Variants in ATRNL1 observed in about 807,000 individuals in gnomAD.
The protein encoded by ATRNL1 is attractin like 1.
Under a neutral mutation model 182.7 loss-of-function variants are expected in ATRNL1, and 95 were observed. The observed-to-expected ratio is 0.52, with a 90% CI of 0.44 to 0.62. ATRNL1 has a LOEUF of 0.62. ATRNL1 is among the 20% of genes least tolerant of loss of function. The probability of loss-of-function intolerance (pLI) is 0.00; values close to 1 mark genes in which losing one functional copy is unlikely to be tolerated. For synonymous variants in ATRNL1, 576 were observed against 568.3 expected, an observed-to-expected ratio of 1.01 and a Z score of -0.19; for missense variants, 1,471 against 1,679.5, an observed-to-expected ratio of 0.88 and a Z score of 2.17.
In ATRNL1 at chr10:115,311,189, A is replaced by ATTTTTT. The variant is rs58808060; in HGVS notation, c.2819-4316_2819-4311dup. ...TGAGAAGATACTTGATATGATTTAG[A>ATTTTTT]TTTTTTTTTTTTTTTTTTGAGACAG... On this transcript the variant is annotated intron_variant, in intron 17 of 28. Coordinates refer to ENST00000355044, the MANE Select transcript of ATRNL1 (RefSeq NM_207303.4). Among the ~76,000 whole-genome samples the ATTTTTT allele has an allele frequency of 1.5e-5, 2 of 133,816 alleles. 1 individual carries two copies. The allele number at this position is 133,816 out of a possible 152,430, so 87.8% of individuals were successfully genotyped here.
At chr10:115,162,383 G>A (rs145784664) in intron 6 of ATRNL1, among the ~76,000 whole-genome samples, 17 of 152,012 alleles carry the variant, frequency 1.1e-4, no homozygotes, top group East Asian at 5.8e-4. Context: ...ATTTGTAGGC[G>A]CAGAAAAGAG....
At chr10:115,934,458 C>G (rs558743706) in intron 28 of ATRNL1, among the ~76,000 whole-genome samples, 6 of 152,198 alleles carry the variant, frequency 3.9e-5, no homozygotes, top group African/African-American at 1.4e-4. Flanking sequence ...TCACCAAATT[C>G]ACTATGTCTG....
At chr10:115,687,543 A>G (rs891667680) in intron 26 of ATRNL1, among the ~76,000 whole-genome samples, 21 of 152,076 alleles carry the variant, frequency 1.4e-4, no homozygotes, top group Non-Finnish European at 4.4e-5. Flanking sequence ...GGACATGGAC[A>G]TGGTTGTTAG....
intron 26 of ATRNL1, among the ~76,000 whole-genome samples, chr10:115,714,770 C>T (rs1384335796): frequency 6.6e-6 from 1 of 151,518 alleles, no homozygotes; most frequent in Non-Finnish European, 1.5e-5. Context: ...AAATAAATGG[C>T]CTGATTATCA....
intron 26 of ATRNL1, among the ~76,000 whole-genome samples, chr10:115,664,280 A>G (rs1860874068): frequency 6.6e-6 from 1 of 152,196 alleles, no homozygotes; most frequent in East Asian, 1.9e-4. Flanking sequence ...GTGTTTTAAA[A>G]GTAGTAACAG....
chr10:115,296,977 G>A lies in ATRNL1; in HGVS notation c.2416-3057G>A, dbSNP rs185945245. Among the ~76,000 whole-genome samples, 26 of 152,306 alleles carry A rather than the reference G, an allele frequency of 1.7e-4. No individual in the cohort carries two copies. The East Asian group carries it at 3.5e-3, about 20-fold the overall frequency. On this transcript the variant is annotated intron_variant, in intron 15 of 28. Transcript: ENST00000355044. ...ATAATTGCAATGATAGATGCACACA[G>A]GGTGCTATATGAAGATAAAGGGTAG...
At chr10:115,370,869 C>T (rs1857358691) in intron 19 of ATRNL1, among the ~76,000 whole-genome samples, 2 of 152,152 alleles carry the variant, frequency 1.3e-5, no homozygotes, top group African/African-American at 2.4e-5. Context: ...AACTTTCTGG[C>T]AGGCTTTCCA....
intron 27 of ATRNL1, among the ~76,000 whole-genome samples, chr10:115,728,220 G>A (rs1555061151): frequency 6.8e-6 from 1 of 146,280 alleles, no homozygotes; most frequent in Admixed American, 6.9e-5. Context: ...GCGTGAACCC[G>A]GGAGGCGGAG....
intron 6 of ATRNL1, among the ~76,000 whole-genome samples, chr10:115,162,456 G>A (rs1441339470): frequency 1.3e-5 from 2 of 151,864 alleles, no homozygotes; most frequent in East Asian, 1.9e-4. Context: ...CCAGGCCCAT[G>A]CAATTTGCAT....
chr10:115,845,846 C>T (rs1437030526), intron 27 of ATRNL1, among the ~76,000 whole-genome samples: 2 of 152,040 alleles, frequency 1.3e-5, no homozygotes, highest in East Asian at 1.9e-4. Context: ...ATATCACTAT[C>T]GTTTAAACCT....
intron 26 of ATRNL1, among the ~76,000 whole-genome samples, chr10:115,637,772 G>T (rs1257051534): frequency 6.6e-6 from 1 of 151,698 alleles, no homozygotes; most frequent in Non-Finnish European, 1.5e-5. Context: ...TTCCAGGCAT[G>T]CACCACCACA....
chr10:115,858,007 A>G (rs2907572), intron 28 of ATRNL1, among the ~76,000 whole-genome samples: 122,001 of 152,186 alleles, frequency 0.8, 48,871 homozygotes, highest in Admixed American at 0.84. Context: ...AACTTACAAA[A>G]CCAAAGAGGA....
intron 24 of ATRNL1, among the ~76,000 whole-genome samples, chr10:115,495,988 A>G (rs886261743): frequency 6.6e-6 from 1 of 152,110 alleles, no homozygotes; most frequent in African/African-American, 2.4e-5. Flanking sequence ...AACTTGTTTT[A>G]TGAATTGGGT....
At chr10:115,740,115 T>TAAAC (rs35130804) in intron 27 of ATRNL1, among the ~76,000 whole-genome samples, 144,527 of 152,064 alleles carry the variant, frequency 0.95, 69,095 homozygotes, top group East Asian at 1. Context: ...ATACTTTAGA[T>TAAAC]AAACATTTTC....
intron 26 of ATRNL1, among the ~76,000 whole-genome samples, chr10:115,639,166 T>C (rs556521343): frequency 2.0e-5 from 3 of 152,258 alleles, no homozygotes; most frequent in Non-Finnish European, 4.4e-5. Flanking sequence ...AACAACACAC[T>C]ACATATTGAC....
At chr10:115,751,657 G>C (rs1270468182) in intron 27 of ATRNL1, among the ~76,000 whole-genome samples, 2 of 151,964 alleles carry the variant, frequency 1.3e-5, no homozygotes, top group African/African-American at 4.8e-5. Flanking sequence ...AATAGAAATT[G>C]GTTGAAAGAA....
chr10:115,652,287 AT>A (rs1178437595), intron 26 of ATRNL1, among the ~76,000 whole-genome samples: 6 of 151,366 alleles, frequency 4.0e-5, no homozygotes, highest in Non-Finnish European at 7.4e-5. Flanking sequence ...AGGGTTTTCT[AT>A]TTTGTATTTT....
intron 26 of ATRNL1, among the ~76,000 whole-genome samples, chr10:115,569,817 G>T (rs1363392510): frequency 6.6e-6 from 1 of 150,674 alleles, no homozygotes; most frequent in Non-Finnish European, 1.5e-5. Flanking sequence ...TGTTAAAGCT[G>T]CTGTAACAAA....
At chr10:115,780,172 G>A (rs1949227769) in intron 27 of ATRNL1, among the ~76,000 whole-genome samples, 1 of 152,206 alleles carries the variant, frequency 6.6e-6, no homozygotes, top group Non-Finnish European at 1.5e-5. Flanking sequence ...CACAGTGATT[G>A]TGGGACATTG....
Sources: gnomAD v4.1 joint callset for allele counts (sites outside exome capture counted in the v4.1 genomes callset) on GRCh38, gnomAD v4.1.1 for gene constraint, MANE v1.5 for transcripts, NCBI Gene and HGNC (gene_info 2026-07-23, HGNC 2026-07-21) for gene names.